SLC38A1: variants seen among roughly 807,000 people sequenced by gnomAD.
SLC38A1 encodes solute carrier family 38 member 1, also known as sodium-coupled neutral amino acid symporter 1.
SLC38A1 carries 18 observed loss-of-function variants against 60.3 expected under a neutral mutation model. The observed-to-expected ratio is 0.30, with a 90% CI of 0.21 to 0.44. The LOEUF is 0.44. Ranked by LOEUF, SLC38A1 falls within the 20% of genes least tolerant of loss-of-function variation. SLC38A1 has a pLI of 1.00. For synonymous variants in SLC38A1, 196 were observed against 212.1 expected, an observed-to-expected ratio of 0.92 and a Z score of 0.66; for missense variants, 448 against 587.2, an observed-to-expected ratio of 0.76 and a Z score of 2.45.
At chr12:46,255,887 G>C (rs1485986531) in intron 1 of SLC38A1, among the ~76,000 whole-genome samples, 2 of 152,168 alleles carry the variant, frequency 1.3e-5, no homozygotes, top group African/African-American at 2.4e-5. Flanking sequence ...CAAAGGGCTG[G>C]GTGTGGTGGC....
intron 5 of SLC38A1, among the ~76,000 whole-genome samples, chr12:46,225,265 G>T (rs1026450996): frequency 1.3e-5 from 2 of 152,148 alleles, no homozygotes; most frequent in Non-Finnish European, 2.9e-5. Context: ...AAATAGTGAG[G>T]ATCTGTTGAA....
At chr12:46,256,636 C>CACAG (rs142176282) in intron 1 of SLC38A1, among the ~76,000 whole-genome samples, 8,658 of 122,398 alleles carry the variant, frequency 0.071, 345 homozygotes, top group African/African-American at 0.1. Context: ...CACACACACA[C>CACAG]AGAGAGAGAG....
chr12:46,209,213 G>T, intron 5 of SLC38A1, 86 bp from the exon 6 acceptor site: 3 of 929,584 alleles, frequency 3.2e-6, no homozygotes, highest in Non-Finnish European at 5.0e-6. Flanking sequence ...AGGTTTATTT[G>T]TATGGTTAAC....
intron 5 of SLC38A1, among the ~76,000 whole-genome samples, chr12:46,228,402 G>T (rs574658935): frequency 1.2e-4 from 18 of 152,256 alleles, no homozygotes; most frequent in South Asian, 8.3e-4. Flanking sequence ...ATCTAGCCAG[G>T]CCAATGAAAA....
intron 1 of SLC38A1, among the ~76,000 whole-genome samples, chr12:46,251,563 A>G (rs1378199435): frequency 2.0e-5 from 3 of 152,222 alleles, no homozygotes; most frequent in African/African-American, 7.2e-5. Context: ...CAGGCAACCT[A>G]CAGAATGGGA....
chr12:46,198,111 T>C (rs368517568), intron 14 of SLC38A1, 51 bp from the exon 15 acceptor site: 89 of 1,587,930 alleles, frequency 5.6e-5, no homozygotes, highest in Non-Finnish European at 6.8e-5. Context: ...CATGCCAACA[T>C]TGACATTTCT....
At chr12:46,221,355 C>A (rs969075468) in intron 5 of SLC38A1, among the ~76,000 whole-genome samples, 1 of 152,068 alleles carries the variant, frequency 6.6e-6, no homozygotes, top group Non-Finnish European at 1.5e-5. Context: ...GCAATACCAA[C>A]CTCATCTAGT....
At chr12:46,237,421 A>G (rs1941298285) in intron 3 of SLC38A1, among the ~76,000 whole-genome samples, 1 of 152,024 alleles carries the variant, frequency 6.6e-6, no homozygotes, top group Non-Finnish European at 1.5e-5. Context: ...GTTGTTTTTA[A>G]TTGTGTTAGA....
rs551889008 is a variant in SLC38A1, at chr12:46,218,685, C to T, written c.315-9558G>A. Reference sequence around the variant, plus strand: ...TGCAATGGAGAAAGAGTAAGTCATGCAGAGTCAGCTGTGTGGGAGACCGGA... The same window carrying T: ...TGCAATGGAGAAAGAGTAAGTCATGTAGAGTCAGCTGTGTGGGAGACCGGA... On this transcript the variant is annotated intron_variant, in intron 5 of 16. Coordinates refer to ENST00000398637, the MANE Select transcript of SLC38A1 (RefSeq NM_030674.4). 7.9e-5 allele frequency among the ~76,000 whole-genome samples: 12 copies of T among 152,226 alleles called. No homozygotes were observed. In the South Asian group the frequency reaches 2.1e-3, roughly 26 times the overall value.
chr12:46,193,548 A>G (rs929550532), intron 16 of SLC38A1, among the ~76,000 whole-genome samples: 1 of 152,086 alleles, frequency 6.6e-6, no homozygotes, highest in African/African-American at 2.4e-5. Context: ...ATCTCCCATT[A>G]TTATTGTGTG....
In SLC38A1 at chr12:46,205,050, A is replaced by G. The variant is rs143681073; in HGVS notation, c.647-460T>C. Among the ~76,000 whole-genome samples the G allele has an allele frequency of 2.1e-3, 327 of 152,312 alleles. 3 individuals are homozygous for G. Among genetic ancestry groups the G allele is most frequent in the African/African-American group, 7.6e-3 (315 of 41,574 alleles). ...TCAGTTATAATACTTTTCTCCCCAG[A>G]TGACAGAGAGTAGATGAAGCGAATT... On this transcript the variant is annotated intron_variant, in intron 9 of 16. Coordinates refer to ENST00000398637, the MANE Select transcript of SLC38A1 (RefSeq NM_030674.4).
At chr12:46,242,203 A>AT (rs1299595390) in intron 2 of SLC38A1, among the ~76,000 whole-genome samples, 1 of 152,142 alleles carries the variant, frequency 6.6e-6, no homozygotes, top group Admixed American at 6.5e-5. Flanking sequence ...ACAAAGAATA[A>AT]TTTTTTATTA....
At chr12:46,207,723 G>T in intron 6 of SLC38A1, 102 bp from the exon 7 acceptor site, 2 of 1,126,992 alleles carry the variant, frequency 1.8e-6, no homozygotes, top group South Asian at 2.6e-5. Context: ...AAGTTACTAT[G>T]TGCCTTTCTC....
chr12:46,248,164 G>A (rs1326649395), intron 1 of SLC38A1, among the ~76,000 whole-genome samples: 11 of 152,144 alleles, frequency 7.2e-5, no homozygotes. Context: ...CATAATGACA[G>A]GATCAAACTC....
chr12:46,189,530 A>C (rs1939055680), intron 16 of SLC38A1, among the ~76,000 whole-genome samples: 2 of 152,164 alleles, frequency 1.3e-5, no homozygotes, highest in Admixed American at 1.3e-4. Context: ...AGCAAAATAG[A>C]TTTGATTAAG....
chr12:46,195,168 T>C (rs2136920765), intron 16 of SLC38A1, among the ~76,000 whole-genome samples: 1 of 152,352 alleles, frequency 6.6e-6, no homozygotes, highest in African/African-American at 2.4e-5. Flanking sequence ...TTTCTCTTTG[T>C]TAGTTTTCCT....
intron 1 of SLC38A1, among the ~76,000 whole-genome samples, chr12:46,262,477 T>G (rs980150923): frequency 3.3e-5 from 5 of 152,138 alleles, no homozygotes; most frequent in African/African-American, 7.2e-5. Flanking sequence ...TTCTTGTCAA[T>G]TGAAAATTAA....
In SLC38A1 at chr12:46,187,489, A is replaced by T. The variant is rs1327784378; in HGVS notation, c.*1481T>A. ...ACATGGGATGGCCCCACTTAGGGGAATGCAGTTCTGGGTTTCCTTGCTATC... is the reference window on the plus strand; with the variant it reads ...ACATGGGATGGCCCCACTTAGGGGATTGCAGTTCTGGGTTTCCTTGCTATC... On this transcript the variant is annotated 3_prime_UTR_variant, in exon 17 of 17. Coordinates refer to ENST00000398637, the MANE Select transcript of SLC38A1 (RefSeq NM_030674.4). The T allele has an allele frequency of 6.6e-6, 1 of 152,278 alleles. No homozygotes were observed. The highest frequency in any genetic ancestry group is 1.5e-5 in the Non-Finnish European group (1 of 68,092). 9.4% of individuals were successfully genotyped at this position (152,278 alleles called of 1,614,324 possible). A position where few individuals can be genotyped will look rare whatever the true frequency, so the allele number is the denominator to read the frequency against.
chr12:46,207,686 A>G, intron 6 of SLC38A1, 65 bp from the exon 7 acceptor site: 1 of 1,455,202 alleles, frequency 6.9e-7, no homozygotes, highest in Non-Finnish European at 9.6e-7. Flanking sequence ...AATAGTCAAG[A>G]TTTTGTCATT....
Sources: allele counts gnomAD v4.1 joint callset (sites outside exome capture counted in the v4.1 genomes callset), GRCh38; gene constraint gnomAD v4.1.1; transcripts MANE v1.5; gene names NCBI Gene and HGNC (gene_info 2026-07-23, HGNC 2026-07-21).